Variants in PRKACB observed in about 807,000 individuals in gnomAD.
PRKACB encodes protein kinase cAMP-activated catalytic subunit beta, also known as cAMP-dependent protein kinase catalytic subunit beta.
In PRKACB, 16 loss-of-function variants were observed where a neutral mutation model predicts 51.4. The ratio of observed to expected loss-of-function variants is 0.31; its 90% CI spans 0.21 to 0.47. The LOEUF (loss-of-function observed/expected upper bound fraction) is 0.47, where lower values mean the gene tolerates loss of function less well. Ranked by LOEUF, PRKACB falls within the 20% of genes least tolerant of loss-of-function variation. The probability of loss-of-function intolerance (pLI) is 1.00; values close to 1 mark genes in which losing one functional copy is unlikely to be tolerated. For synonymous variants in PRKACB, 147 were observed against 154.4 expected (o/e 0.95, Z 0.35); for missense variants, 309 against 464.5 (o/e 0.67, Z 3.08).
chr1:84,133,584 C>A (rs569205362), intron 1 of PRKACB, among the ~76,000 whole-genome samples: 4 of 152,298 alleles, frequency 2.6e-5, no homozygotes, highest in East Asian at 1.9e-4. Context: ...AGCTAGTTGG[C>A]GGCTTTGGTC....
intron 5 of PRKACB, among the ~76,000 whole-genome samples, chr1:84,194,169 A>G (rs1667567859): frequency 6.6e-6 from 1 of 152,142 alleles, no homozygotes; most frequent in African/African-American, 2.4e-5. Flanking sequence ...GGTTATTTAA[A>G]GTTTACACTA....
chr1:84,191,172 A>T (rs1666682187), intron 5 of PRKACB, among the ~76,000 whole-genome samples: 1 of 152,048 alleles, frequency 6.6e-6, no homozygotes, highest in Admixed American at 6.6e-5. Context: ...TTTCATTTCC[A>T]TGTTTAGGAC....
chr1:84,215,777 G>C (rs1403364287), intron 9 of PRKACB, among the ~76,000 whole-genome samples: 1 of 152,062 alleles, frequency 6.6e-6, no homozygotes, highest in Non-Finnish European at 1.5e-5. Flanking sequence ...AAAAGATTTT[G>C]CTGCACTGAA....
chr1:84,134,574 A>G (rs1302346761), intron 1 of PRKACB, among the ~76,000 whole-genome samples: 1 of 152,210 alleles, frequency 6.6e-6, no homozygotes, highest in African/African-American at 2.4e-5. Context: ...GACAACTAAA[A>G]AGGATTCTAA....
At chr1:84,166,969 A>G (rs1292466073) in intron 1 of PRKACB, among the ~76,000 whole-genome samples, 1 of 151,588 alleles carries the variant, frequency 6.6e-6, no homozygotes, top group Admixed American at 6.6e-5. Flanking sequence ...TGACTCTGAT[A>G]TCTGTTAATG....
At chr1:84,226,271 T>C (rs1180304671) in intron 9 of PRKACB, among the ~76,000 whole-genome samples, 3 of 56,050 alleles carry the variant, frequency 5.4e-5, no homozygotes, top group Non-Finnish European at 2.9e-4. Context: ...TTGTGGGTTT[T>C]TTGTTTTTTT....
chr1:84,237,371 A>T lies in PRKACB; in HGVS notation c.*2066A>T, dbSNP rs1301611791. ...ATTATTTTAATAAGTCATGGGGATG[A>T]CAATTTGATTATTACAATTTAGTTT... On this transcript the variant is annotated 3_prime_UTR_variant, in exon 10 of 10. Transcript: ENST00000370685. 6.6e-6 allele frequency: 1 copy of T among 152,612 alleles called. No homozygotes were observed. Among genetic ancestry groups the T allele is most frequent in the Non-Finnish European group, 1.5e-5 (1 of 67,982 alleles). The allele number at this position is 152,612 out of a possible 1,614,324, so 9.5% of individuals were successfully genotyped here. A position where few individuals can be genotyped will look rare whatever the true frequency, so the allele number is the denominator to read the frequency against.
At chr1:84,130,042 TACAA>T (rs1368667210) in intron 1 of PRKACB, among the ~76,000 whole-genome samples, 1 of 151,802 alleles carries the variant, frequency 6.6e-6, no homozygotes, top group Non-Finnish European at 1.5e-5. Context: ...CTACTAAAAA[TACAA>T]ACAATTAGCT....
At position 84,164,836 on chromosome 1, in the gene PRKACB, AG is replaced by A. The variant is rs371341041; in HGVS notation, c.188-14337del. On this transcript the variant is annotated intron_variant, in intron 1 of 9. Coordinates refer to ENST00000370685, the MANE Select transcript of PRKACB (RefSeq NM_182948.4). ...TGCTAGGCAGTTATGCTTTGCTTCTAGGGGCTTCTCTTTTTAAAACAAAAGA... is the reference window on the plus strand; with the variant it reads ...TGCTAGGCAGTTATGCTTTGCTTCTAGGGCTTCTCTTTTTAAAACAAAAGA... 2.1e-4 allele frequency: 297 copies of A among 1,387,202 alleles called. 2 individuals are homozygous for A. In the African/African-American group the frequency reaches 4.1e-3, roughly 19 times the overall value. The allele number at this position is 1,387,202 out of a possible 1,614,324, so 85.9% of individuals were successfully genotyped here. A position where few individuals can be genotyped will look rare whatever the true frequency, so the allele number is the denominator to read the frequency against.
chr1:84,235,056 G>C, intron 9 of PRKACB, 124 bp from the exon 10 acceptor site: 1 of 1,005,834 alleles, frequency 9.9e-7, no homozygotes. Context: ...TATATTTTAG[G>C]AACCTAATGG....
At position 84,238,021 on chromosome 1, in the gene PRKACB, G is replaced by A. The variant is rs1199667047; in HGVS notation, c.*2716G>A. 6.6e-6 allele frequency: 1 copy of A among 152,018 alleles called. No individual in the cohort carries two copies. The highest frequency in any genetic ancestry group is 1.5e-5 in the Non-Finnish European group (1 of 67,960). The allele number at this position is 152,018 out of a possible 1,614,324, so 9.4% of individuals were successfully genotyped here. A position where few individuals can be genotyped will look rare whatever the true frequency, so the allele number is the denominator to read the frequency against. ...AGTCTCAATAAGGCAATATATTTTAGGGCATCTTTCTTCTTATCTCTGACA... is the reference window on the plus strand; with the variant it reads ...AGTCTCAATAAGGCAATATATTTTAAGGCATCTTTCTTCTTATCTCTGACA... On this transcript the variant is annotated 3_prime_UTR_variant, in exon 10 of 10. Coordinates refer to ENST00000370685, the MANE Select transcript of PRKACB (RefSeq NM_182948.4).
intron 1 of PRKACB, chr1:84,173,338 C>T (rs1201489008): frequency 1.9e-6 from 3 of 1,574,354 alleles, no homozygotes; most frequent in African/African-American, 1.3e-5. Context: ...GCACGCAAAT[C>T]ATCAGATGCA....
At chr1:84,145,121 T>C (rs941435380) in intron 1 of PRKACB, among the ~76,000 whole-genome samples, 2 of 152,144 alleles carry the variant, frequency 1.3e-5, no homozygotes, top group Admixed American at 6.5e-5. Context: ...ATGTTATTTA[T>C]ACATATGACT....
At chr1:84,143,282 T>C (rs1208611313), upstream of PRKACB, among the ~76,000 whole-genome samples, 1 of 151,938 alleles carries the variant, frequency 6.6e-6, no homozygotes, top group African/African-American at 2.4e-5. Flanking sequence ...AGAAACCCCA[T>C]CTCTACTGAA....
At chr1:84,196,518 A>G in intron 5 of PRKACB, 98 bp from the exon 6 acceptor site, 2 of 1,224,772 alleles carry the variant, frequency 1.6e-6, no homozygotes, top group Non-Finnish European at 1.1e-6. Flanking sequence ...TTTTGTTCCC[A>G]AAGTACCTCT....
chr1:84,177,799 C>A (rs1572092603), intron 1 of PRKACB, among the ~76,000 whole-genome samples: 2 of 151,770 alleles, frequency 1.3e-5, no homozygotes, highest in East Asian at 1.9e-4. Flanking sequence ...TTAATCCACC[C>A]CTCAGGAAGA....
At chr1:84,105,703 G>GTAGC (rs1347082772) in intron 1 of PRKACB, among the ~76,000 whole-genome samples, 1 of 152,048 alleles carries the variant, frequency 6.6e-6, no homozygotes, top group East Asian at 1.9e-4. Flanking sequence ...AGCCTCTTGA[G>GTAGC]TAGCTGGGAT....
chr1:84,184,224 G>A, intron 4 of PRKACB, 89 bp downstream of exon 4: 1 of 1,139,764 alleles, frequency 8.8e-7, no homozygotes, highest in Non-Finnish European at 1.2e-6. Flanking sequence ...CAGATGATAA[G>A]CCTGAAGAAT....
intron 1 of PRKACB, among the ~76,000 whole-genome samples, chr1:84,092,873 T>A (rs1648593323): frequency 6.6e-6 from 1 of 151,998 alleles, no homozygotes; most frequent in Non-Finnish European, 1.5e-5. Flanking sequence ...GGATATCCTC[T>A]TTTTATAAAA....
Sources: allele counts gnomAD v4.1 joint callset (sites outside exome capture counted in the v4.1 genomes callset), GRCh38; gene constraint gnomAD v4.1.1; transcripts MANE v1.5; gene names NCBI Gene and HGNC (gene_info 2026-07-23, HGNC 2026-07-21).